RALY: variants seen among roughly 807,000 people sequenced by gnomAD.
RALY encodes RNA-binding protein Raly.
Under a neutral mutation model 30.7 loss-of-function variants are expected in RALY, and 15 were observed. The observed-to-expected ratio is 0.49, with a 90% CI of 0.33 to 0.75. The LOEUF is 0.75. Ranked by LOEUF, RALY falls within the 30% of genes least tolerant of loss-of-function variation. The pLI, the probability that RALY is intolerant of heterozygous loss-of-function variation, is 0.02. For synonymous variants in RALY, 177 were observed against 170.8 expected, an observed-to-expected ratio of 1.04 and a Z score of -0.28; for missense variants, 339 against 414.3, an observed-to-expected ratio of 0.82 and a Z score of 1.58.
intron 1 of RALY, among the ~76,000 whole-genome samples, chr20:34,001,790 G>A (rs543749923): frequency 6.6e-6 from 1 of 151,714 alleles, no homozygotes; most frequent in South Asian, 2.1e-4. Flanking sequence ...TTTTTGAGAC[G>A]GAGTCTCGCT....
At chr20:34,014,250 T>G (rs2031523877) in intron 1 of RALY, among the ~76,000 whole-genome samples, 1 of 152,134 alleles carries the variant, frequency 6.6e-6, no homozygotes, top group South Asian at 2.1e-4. Flanking sequence ...AGGACGCGTA[T>G]GTAGGGCCAG....
intron 8 of RALY, among the ~76,000 whole-genome samples, chr20:34,077,933 C>T (rs529918862): frequency 1.3e-5 from 2 of 152,362 alleles, no homozygotes; most frequent in Non-Finnish European, 2.9e-5. Context: ...CTCAGAAAGG[C>T]TGAGTGGCAT....
chr20:34,020,712 C>T (rs191501790), intron 1 of RALY, among the ~76,000 whole-genome samples: 221 of 152,322 alleles, frequency 1.5e-3, no homozygotes, highest in African/African-American at 5.1e-3. Flanking sequence ...TTGAATACCA[C>T]GCAGACTATG....
intron 1 of RALY, among the ~76,000 whole-genome samples, chr20:34,007,058 C>T (rs2031191957): frequency 6.6e-6 from 1 of 152,062 alleles, no homozygotes; most frequent in Admixed American, 6.5e-5. Flanking sequence ...TTCTCTTAAC[C>T]CTCATGACAA....
intron 8 of RALY, 43 bp downstream of exon 8, chr20:34,077,288 C>T: frequency 6.2e-7 from 1 of 1,609,098 alleles, no homozygotes; most frequent in Non-Finnish European, 8.5e-7. Context: ...CGACTGTGCT[C>T]CTACTCTCAG....
chr20:34,044,323 G>A (rs1037535160), intron 2 of RALY, among the ~76,000 whole-genome samples: 8 of 151,250 alleles, frequency 5.3e-5, no homozygotes, highest in Admixed American at 5.3e-4. Flanking sequence ...TGGTATGTGC[G>A]TTACTTTTTT....
chr20:34,077,675 C>T, intron 8 of RALY: 1 of 271,106 alleles, frequency 3.7e-6, no homozygotes, highest in Non-Finnish European at 7.2e-6. Flanking sequence ...GAGCTCCCCG[C>T]CTGTTACTAG....
chr20:34,046,923 A>G (rs1248795900), intron 2 of RALY, among the ~76,000 whole-genome samples: 1 of 150,720 alleles, frequency 6.6e-6, no homozygotes, highest in Non-Finnish European at 1.5e-5. Context: ...GGGTTGAAGC[A>G]ATTCTCCTGC....
chr20:34,006,425 G>A (rs529095002), intron 1 of RALY, among the ~76,000 whole-genome samples: 4 of 152,240 alleles, frequency 2.6e-5, no homozygotes, highest in Admixed American at 6.5e-5. Context: ...CCAGATGATC[G>A]TGTTCAAATG....
At chr20:34,060,418 C>T (rs912240989) in intron 2 of RALY, among the ~76,000 whole-genome samples, 1 of 152,198 alleles carries the variant, frequency 6.6e-6, no homozygotes, top group Non-Finnish European at 1.5e-5. Flanking sequence ...ATCTGAAATG[C>T]TTCTTGTCCC....
chr20:34,001,739 A>G (rs58594091), intron 1 of RALY, among the ~76,000 whole-genome samples: 13,817 of 152,142 alleles, frequency 0.091, 2,083 homozygotes, highest in African/African-American at 0.31. Context: ...GGTAAGAGAT[A>G]TGACCACACT....
intron 1 of RALY, among the ~76,000 whole-genome samples, chr20:33,996,801 C>T (rs1036230948): frequency 6.6e-6 from 1 of 152,176 alleles, no homozygotes; most frequent in African/African-American, 2.4e-5. Context: ...CTCCTCCCTC[C>T]AGCCCCTGAA....
chr20:34,000,962 G>A (rs1477644724), intron 1 of RALY, among the ~76,000 whole-genome samples: 2 of 152,216 alleles, frequency 1.3e-5, no homozygotes, highest in African/African-American at 4.8e-5. Context: ...CAGTTTTGTG[G>A]AAGTGGCTTG....
rs138592532 is a variant in RALY at position 34,042,024 on chromosome 20, G to A, written c.-10+10420G>A. 2.6e-4 allele frequency among the ~76,000 whole-genome samples: 40 copies of A among 152,250 alleles called. No homozygotes were observed. In the East Asian group the frequency reaches 5.0e-3, roughly 19 times the overall value. On this transcript the variant is annotated intron_variant, in intron 2 of 9. Transcript: ENST00000246194. ...GGAGGCTGAGATGGGAGGATTGCTT[G>A]AGCGCGGGATTGCCATCCCGGCGGG...
At position 34,077,168 on chromosome 20, in the gene RALY, G is replaced by C. The variant is rs1391720562; in HGVS notation, c.799G>C (p.Gly267Arg). ...CCAAGAGAACACAACTTCTGAGGCA[G>C]GCCTGCCCCAGGGGGAAGCACGGAC... ...APQENTTSEA[G>R]LPQGEARTRD... is the part of the protein sequence containing the mutation. Residue 267 changes from glycine to arginine, a missense_variant, in exon 8 of 10, where the codon GGC becomes CGC. Around this residue, in one of 2 missense-constraint regions of RALY, gnomAD observed 268 missense variants for 280.6 expected, o/e 0.95. Coordinates refer to ENST00000246194, the MANE Select transcript of RALY (RefSeq NM_016732.3). 1.9e-6 allele frequency: 3 copies of C among 1,613,578 alleles called. No homozygotes were observed. The highest frequency in any genetic ancestry group is 2.7e-5 in the African/African-American group (2 of 74,914).
At chr20:34,079,644 C>T (rs893271506) in intron 9 of RALY, among the ~76,000 whole-genome samples, 1 of 152,216 alleles carries the variant, frequency 6.6e-6, no homozygotes, top group Non-Finnish European at 1.5e-5. Context: ...CATCCTGCTA[C>T]ACCCCTTTGT....
intron 1 of RALY, among the ~76,000 whole-genome samples, chr20:34,012,571 A>G (rs146434781): frequency 1.5e-4 from 23 of 152,078 alleles, no homozygotes; most frequent in African/African-American, 5.3e-4. Flanking sequence ...TTCTTGAGAA[A>G]TTCTTGTAAT....
intron 6 of RALY, 65 bp downstream of exon 6, chr20:34,076,105 C>T (rs1269257919): frequency 1.3e-6 from 2 of 1,526,330 alleles, no homozygotes; most frequent in African/African-American, 2.7e-5. Flanking sequence ...AATAGAATCA[C>T]ATTTTTTACA....
At chr20:33,995,028 C>T (rs1019917321) in intron 1 of RALY, among the ~76,000 whole-genome samples, 2 of 152,144 alleles carry the variant, frequency 1.3e-5, no homozygotes, top group South Asian at 4.1e-4. Flanking sequence ...ATTAATATTT[C>T]CTGGTGTGAG....
Sources: gnomAD v4.1 joint callset for allele counts (sites outside exome capture counted in the v4.1 genomes callset) on GRCh38, gnomAD v4.1.1 for gene constraint, gnomAD v4.1.1 regional missense constraint, MANE v1.5 for transcripts, NCBI Gene and HGNC (gene_info 2026-07-23, HGNC 2026-07-21) for gene names.